DPP6: variants seen among roughly 807,000 people sequenced by gnomAD.
DPP6 encodes dipeptidyl peptidase like 6.
In DPP6, 69 loss-of-function variants were observed where a neutral mutation model predicts 122.6. The observed-to-expected ratio is 0.56, with a 90% CI of 0.46 to 0.69. The LOEUF is 0.69. DPP6 is among the 30% of genes least tolerant of loss of function. DPP6 has a pLI of 0.00. For missense variants in DPP6, 928 were observed against 1,116.9 expected, an observed-to-expected ratio of 0.83 and a Z score of 2.41; for synonymous variants, 418 against 433.1, an observed-to-expected ratio of 0.97 and a Z score of 0.43.
At chr7:154,564,125 T>A (rs773099579) in intron 4 of DPP6, among the ~76,000 whole-genome samples, 10 of 152,138 alleles carry the variant, frequency 6.6e-5, no homozygotes, top group Non-Finnish European at 1.5e-4. Flanking sequence ...AGACTGGTCA[T>A]CTGTGTCAAG....
chr7:154,097,759 G>A (rs1439263615), intron 1 of DPP6, among the ~76,000 whole-genome samples: 9 of 152,218 alleles, frequency 5.9e-5, no homozygotes, highest in African/African-American at 1.9e-4. Context: ...GTCACCTGAG[G>A]GCTTGTGGAG....
the DPP6 span, among the ~76,000 whole-genome samples, chr7:153,839,324 G>A: frequency 2.6e-5 from 4 of 152,322 alleles, no homozygotes; most frequent in African/African-American, 9.6e-5. Flanking sequence ...TGACGCCAAG[G>A]CATTTCATCC....
chr7:154,107,967 G>C (rs1006215006), intron 1 of DPP6, among the ~76,000 whole-genome samples: 1 of 152,176 alleles, frequency 6.6e-6, no homozygotes, highest in Non-Finnish European at 1.5e-5. Context: ...TTCAATTTTC[G>C]TTGCTTTGAA....
the DPP6 span, among the ~76,000 whole-genome samples, chr7:153,750,300 G>A: frequency 6.6e-6 from 1 of 151,630 alleles, no homozygotes; most frequent in East Asian, 1.9e-4. Flanking sequence ...GATTTGAGTA[G>A]TTATATGTTT....
chr7:154,041,982 T>C (rs1214103116), intron 1 of DPP6, among the ~76,000 whole-genome samples: 1 of 152,088 alleles, frequency 6.6e-6, no homozygotes, highest in Admixed American at 6.6e-5. Flanking sequence ...TGGTCTCGAT[T>C]TCCCGACCTC....
chr7:154,321,683 G>A (rs1295148402), intron 1 of DPP6, among the ~76,000 whole-genome samples: 1 of 151,148 alleles, frequency 6.6e-6, no homozygotes, highest in Non-Finnish European at 1.5e-5. Context: ...TACACAGGAG[G>A]CTGAGGCAGG....
intron 1 of DPP6, among the ~76,000 whole-genome samples, chr7:154,194,725 A>G (rs1005992140): frequency 4.6e-5 from 7 of 152,196 alleles, no homozygotes; most frequent in African/African-American, 1.7e-4. Context: ...GCCTAGTGAG[A>G]AATGTTGTTG....
chr7:154,710,712 A>C (rs1841124821), intron 7 of DPP6, among the ~76,000 whole-genome samples: 2 of 152,226 alleles, frequency 1.3e-5, no homozygotes, highest in Admixed American at 6.5e-5. Flanking sequence ...GTACGTCTAC[A>C]AGGTTGCAGA....
chr7:153,804,624 T>C, the DPP6 span, among the ~76,000 whole-genome samples: 5 of 152,004 alleles, frequency 3.3e-5, 1 homozygote, highest in South Asian at 1.0e-3. Flanking sequence ...GCTGGACCCA[T>C]TGGCTCATGC....
chr7:154,431,505 T>A (rs1818406454), intron 1 of DPP6, among the ~76,000 whole-genome samples: 1 of 75,332 alleles, frequency 1.3e-5, no homozygotes, highest in Admixed American at 1.6e-4. Flanking sequence ...TCTTTTCTTT[T>A]CTTTCTTTTA....
At chr7:153,798,168 A>T in the DPP6 span, among the ~76,000 whole-genome samples, 1 of 152,092 alleles carries the variant, frequency 6.6e-6, no homozygotes, top group East Asian at 1.9e-4. Flanking sequence ...AAGGGCGCTA[A>T]TCCCATCATG....
rs79765440 is a variant in DPP6, at chr7:154,822,075, G to T, written c.1666+14963G>T. ...ATAAACTTTCTCTGGTCACATCCTCGCTCCCTCCTTCCCTGGGGCTCTGAG... is the reference window on the plus strand; with the variant it reads ...ATAAACTTTCTCTGGTCACATCCTCTCTCCCTCCTTCCCTGGGGCTCTGAG... On this transcript the variant is annotated intron_variant, in intron 16 of 25. Transcript: ENST00000377770. 3.8e-3 allele frequency among the ~76,000 whole-genome samples: 572 copies of T among 151,380 alleles called. 3 individuals carry two copies. The highest frequency in any genetic ancestry group is 0.013 in the African/African-American group (516 of 41,248).
intron 5 of DPP6, among the ~76,000 whole-genome samples, chr7:154,575,322 GTA>G (rs1449386201): frequency 2.4e-4 from 20 of 84,704 alleles, no homozygotes; most frequent in Non-Finnish European, 3.7e-4. Context: ...TGTGGTGTGT[GTA>G]TGTGTGTGTG....
At chr7:154,319,063 T>C (rs923868380) in intron 1 of DPP6, among the ~76,000 whole-genome samples, 1 of 151,960 alleles carries the variant, frequency 6.6e-6, no homozygotes, top group African/African-American at 2.4e-5. Context: ...GTGTCTGCCA[T>C]GTCAGGGGAG....
chr7:154,295,204 G>A (rs1805459458), intron 1 of DPP6, among the ~76,000 whole-genome samples: 1 of 152,196 alleles, frequency 6.6e-6, no homozygotes, highest in African/African-American at 2.4e-5. Flanking sequence ...ATTGCATCTG[G>A]TCTCCTCTCA....
intron 1 of DPP6, among the ~76,000 whole-genome samples, chr7:154,350,397 G>C (rs563857500): frequency 3.3e-5 from 5 of 152,284 alleles, no homozygotes; most frequent in Non-Finnish European, 1.5e-5. Flanking sequence ...AGAGGATTCT[G>C]TCCTGGATCA....
chr7:153,920,563 C>CTTTTTTT (rs61553100), intron 1 of DPP6, among the ~76,000 whole-genome samples: 29,006 of 84,894 alleles, frequency 0.34, 6,360 homozygotes, highest in Admixed American at 0.38. Flanking sequence ...TTATCTCTCT[C>CTTTTTTT]TTTTTTTTTT....
the DPP6 span, among the ~76,000 whole-genome samples, chr7:153,761,462 A>G: frequency 1.2e-4 from 19 of 152,236 alleles, no homozygotes; most frequent in Non-Finnish European, 2.6e-4. Flanking sequence ...CTATGAAATG[A>G]AAAGCTTGTC....
chr7:154,703,767 T>A (rs1193316998), intron 7 of DPP6, among the ~76,000 whole-genome samples: 2 of 151,998 alleles, frequency 1.3e-5, no homozygotes, highest in Admixed American at 6.6e-5. Context: ...AAACCCCGTC[T>A]CTACTAAAAA....
Sources: allele counts gnomAD v4.1 joint callset (sites outside exome capture counted in the v4.1 genomes callset), GRCh38; gene constraint gnomAD v4.1.1; transcripts MANE v1.5; gene names NCBI Gene and HGNC (gene_info 2026-07-23, HGNC 2026-07-21).